The following SARDH variants were observed in gnomAD, a reference collection of about 807,000 sequenced individuals.
SARDH encodes sarcosine dehydrogenase.
In SARDH, 95 loss-of-function variants were observed where a neutral mutation model predicts 109.1. The ratio of observed to expected loss-of-function variants is 0.87; its 90% CI spans 0.74 to 1.03. The LOEUF (loss-of-function observed/expected upper bound fraction) is 1.03. SARDH is among the 50% of genes least tolerant of loss of function. The pLI, the probability that SARDH is intolerant of heterozygous loss-of-function variation, is 0.00. For missense variants in SARDH, 1,267 were observed against 1,287.8 expected, an observed-to-expected ratio of 0.98 and a Z score of 0.25; for synonymous variants, 572 against 534.8, an observed-to-expected ratio of 1.07 and a Z score of -0.96.
intron 17 of SARDH, among the ~76,000 whole-genome samples, chr9:133,672,096 C>T (rs1311599823): frequency 6.6e-6 from 1 of 152,212 alleles, no homozygotes; most frequent in East Asian, 1.9e-4. Flanking sequence ...GCTTCCTCTG[C>T]AGGCTCCGGA....
chr9:133,705,902 G>A (rs906201693), intron 11 of SARDH, among the ~76,000 whole-genome samples: 15 of 152,118 alleles, frequency 9.9e-5, no homozygotes, highest in Admixed American at 2.0e-4. Flanking sequence ...CCCTCTCCCC[G>A]CTGCATGAGG....
At chr9:133,732,744 G>C in intron 2 of SARDH, 143 bp from the exon 3 acceptor site, 2 of 928,930 alleles carry the variant, frequency 2.2e-6, no homozygotes, top group Non-Finnish European at 3.1e-6. Context: ...GGGGGGCCTG[G>C]AGAGGTTGTT....
In SARDH at chr9:133,702,930, G is replaced by T. The variant is rs753857443; in HGVS notation, c.1654C>A (p.Pro552Thr). Residue 552 changes from proline to threonine, a missense_variant, in exon 13 of 21, where the codon CCC (proline) becomes ACC (threonine). Coordinates refer to ENST00000439388, the MANE Select transcript of SARDH (RefSeq NM_001134707.2). ...LADEYTFAFP[P>T]HHDTIKKECL... ...CAGCTACGCACCGTGTCGTGGTGGGGCGGGAAGGCGAAGGTGTACTCGTCT... is the reference window on the plus strand; with the variant it reads ...CAGCTACGCACCGTGTCGTGGTGGGTCGGGAAGGCGAAGGTGTACTCGTCT... 6.2e-7 allele frequency: 1 copy of T among 1,612,236 alleles called. No individual in the cohort carries two copies. Among genetic ancestry groups the T allele is most frequent in the Admixed American group, 1.7e-5 (1 of 60,024 alleles).
rs368001955 is a variant in SARDH at position 133,708,433 on chromosome 9, C to T, written c.1329-5G>A. 8.1e-6 allele frequency: 13 copies of T among 1,607,330 alleles called. No homozygotes were observed. The highest frequency in any genetic ancestry group is 6.6e-5 in the South Asian group (6 of 90,424). ...GTGAGCGAGTGATGGAAGCGCCTGC[C>T]GCAGACAGGGGGACGGGTCACTGCT... On this transcript the variant is annotated splice_region_variant and splice_polypyrimidine_tract_variant and intron_variant, in intron 10 of 20. Coordinates refer to ENST00000439388, the MANE Select transcript of SARDH (RefSeq NM_001134707.2).
intron 8 of SARDH, among the ~76,000 whole-genome samples, chr9:133,716,563 T>G (rs1832129622): frequency 6.6e-6 from 1 of 151,384 alleles, no homozygotes; most frequent in Non-Finnish European, 1.5e-5. Context: ...GCCAGCAGCC[T>G]CAGCCCCACA....
In SARDH at chr9:133,706,180, G is replaced by A. The variant is rs149566282; in HGVS notation, c.1471-1149C>T. ...CACGCATGTTCACTGAGCTCTATGCGCAACCACTAACCAGGGGAGAGAACC... is the reference window on the plus strand; with the variant it reads ...CACGCATGTTCACTGAGCTCTATGCACAACCACTAACCAGGGGAGAGAACC... On this transcript the variant is annotated intron_variant, in intron 11 of 20. Coordinates refer to ENST00000439388, the MANE Select transcript of SARDH (RefSeq NM_001134707.2). Among the ~76,000 whole-genome samples, 335 of 152,260 alleles carry A rather than the reference G, an allele frequency of 2.2e-3. 2 individuals carry two copies. Among genetic ancestry groups the A allele is most frequent in the Middle Eastern group, 0.01 (3 of 294 alleles).
rs759215760 is a variant in SARDH at position 133,692,559 on chromosome 9, G to T, written c.1921+1699C>A. ...TCCTCCAGGAAGCCTTGCTCATCCC[G>T]GCTCGGCGGCTTCACATGGCCTTCC... On this transcript the variant is annotated intron_variant, in intron 15 of 20. Transcript: ENST00000439388. The surrounding 1 kb of genome is among the most constrained non-coding windows in gnomAD (Gnocchi z 5.0). Among the ~76,000 whole-genome samples, 1 of 152,100 alleles carries T rather than the reference G, an allele frequency of 6.6e-6. No homozygotes were observed. The highest frequency in any genetic ancestry group is 1.5e-5 in the Non-Finnish European group (1 of 68,016).
chr9:133,735,046 A>G (rs1832835789), intron 1 of SARDH, among the ~76,000 whole-genome samples: 1 of 152,128 alleles, frequency 6.6e-6, no homozygotes, highest in Admixed American at 6.5e-5. Flanking sequence ...TCCCAGACAG[A>G]GAGCCAGGAG....
In SARDH at chr9:133,732,405, C is replaced by T. The variant is rs1199614762; in HGVS notation, c.510+18G>A. ...CCACCCAAGCCCCCCTCCTTGCCCCCCGCAGGGGAGCACACACCGACATGA... is the reference window on the plus strand; with the variant it reads ...CCACCCAAGCCCCCCTCCTTGCCCCTCGCAGGGGAGCACACACCGACATGA... On this transcript the variant is annotated intron_variant, in intron 3 of 20. Coordinates refer to ENST00000439388, the MANE Select transcript of SARDH (RefSeq NM_001134707.2). The T allele has an allele frequency of 6.2e-7, 1 of 1,607,032 alleles. No homozygotes were observed. Among genetic ancestry groups the T allele is most frequent in the East Asian group, 2.3e-5 (1 of 44,392 alleles).
chr9:133,692,332 G>A lies in SARDH; in HGVS notation c.1922-1805C>T, dbSNP rs559415126. On this transcript the variant is annotated intron_variant, in intron 15 of 20. Coordinates refer to ENST00000439388, the MANE Select transcript of SARDH (RefSeq NM_001134707.2). This position sits in a 1 kb window ranked among gnomAD's most constrained non-coding sequence, Gnocchi z 5.0. Reference sequence around the variant, plus strand: ...CCCTAGCTAGACTCACTAAGTCTGCGGCTATGGGCTGTGCCTGGGCCGCCC... The same window carrying A: ...CCCTAGCTAGACTCACTAAGTCTGCAGCTATGGGCTGTGCCTGGGCCGCCC... Among the ~76,000 whole-genome samples the A allele has an allele frequency of 2.7e-3, 417 of 152,184 alleles. 4 individuals are homozygous for A. The highest frequency in any genetic ancestry group is 7.8e-4 in the Non-Finnish European group (53 of 67,980).
intron 2 of SARDH, among the ~76,000 whole-genome samples, chr9:133,732,802 T>C (rs1832735664): frequency 6.6e-6 from 1 of 152,144 alleles, no homozygotes; most frequent in South Asian, 2.1e-4. Flanking sequence ...GGTCCCGCCC[T>C]TGGGCAGCTC....
chr9:133,694,310 G>A lies in SARDH; in HGVS notation c.1869C>T (p.Val623=), dbSNP rs980297120. Reference sequence around the variant, plus strand: ...CCTGGTGGCTGGGTGCCAGGCGGCTGACAGTCAGGTCACTCTCGGTGCCCC... The same window carrying A: ...CCTGGTGGCTGGGTGCCAGGCGGCTAACAGTCAGGTCACTCTCGGTGCCCC... ...HRGGTESDLT[V]SRLAPSHQAS... The change falls in exon 15 of 21, where the codon GTC becomes GTT. Residue 623 remains valine (V), a synonymous_variant. Transcript: ENST00000439388. 3 of 1,550,710 alleles carry A rather than the reference G, an allele frequency of 1.9e-6. No individual in the cohort carries two copies. Among genetic ancestry groups the A allele is most frequent in the East Asian group, 2.4e-5 (1 of 40,920 alleles).
chr9:133,699,610 C>A (rs1831409030), intron 13 of SARDH, among the ~76,000 whole-genome samples: 1 of 152,176 alleles, frequency 6.6e-6, no homozygotes, highest in Non-Finnish European at 1.5e-5. Flanking sequence ...GGACAACAGG[C>A]CCATGAAAAT....
At chr9:133,671,443 G>A (rs1319311520) in intron 18 of SARDH, 92 bp downstream of exon 18, 4 of 1,419,444 alleles carry the variant, frequency 2.8e-6, no homozygotes, top group Non-Finnish European at 2.8e-6. Flanking sequence ...ACACAGGGAA[G>A]GTAAACAGCT....
intron 12 of SARDH, chr9:133,703,285 G>A (rs1425115904): frequency 7.6e-6 from 4 of 524,890 alleles, no homozygotes; most frequent in African/African-American, 7.6e-5. Flanking sequence ...GCTGGAGGAG[G>A]AGCTGGATGC....
Position 133,732,500 on chromosome 9 carries a change from T to C in SARDH, c.433A>G (p.Thr145Ala), listed in dbSNP as rs183443181. The change falls in exon 3 of 21, where the codon ACG becomes GCG. Residue 145 changes from threonine (T) to alanine (A), a missense_variant. Coordinates refer to ENST00000439388, the MANE Select transcript of SARDH (RefSeq NM_001134707.2). ...AGGCCCCCATTCTGGATCCAGCCCG[T>C]GTGTAGTCCCGTCTCCTCCTCCAGC... ...RELEEETGLHTGWIQNGGLFI... is the reference protein window; with the variant it reads ...RELEEETGLHAGWIQNGGLFI... 1.2e-6 allele frequency: 2 copies of C among 1,612,316 alleles called. No homozygotes were observed. Among genetic ancestry groups the C allele is most frequent in the African/African-American group, 1.3e-5 (1 of 74,666 alleles).
At chr9:133,700,423 C>T (rs113053047) in intron 13 of SARDH, among the ~76,000 whole-genome samples, 1 of 151,872 alleles carries the variant, frequency 6.6e-6, no homozygotes, top group Non-Finnish European at 1.5e-5. Context: ...TTGAGAATAT[C>T]ACGCTAAGTG....
chr9:133,667,133 G>C (rs924589078), intron 19 of SARDH: 2 of 579,386 alleles, frequency 3.5e-6, no homozygotes, highest in African/African-American at 3.7e-5. Flanking sequence ...TTCCAGAAGC[G>C]AGCCCCGTAT....
In SARDH at chr9:133,712,905, G is replaced by T; in HGVS notation, c.1237+133C>A. 1 of 1,026,122 alleles carries T rather than the reference G, an allele frequency of 9.7e-7. No individual in the cohort carries two copies. Among genetic ancestry groups the T allele is most frequent in the Admixed American group, 2.1e-5 (1 of 48,562 alleles). 63.6% of individuals were successfully genotyped at this position (1,026,122 alleles called of 1,614,324 possible). A position where few individuals can be genotyped will look rare whatever the true frequency, so the allele number is the denominator to read the frequency against. ...GGTGCACTCTCTGGGAAGCAGAAGG[G>T]GCTGGACTCCCCAGCCTCTCCTGTC... is the stretch of plus-strand genomic sequence containing the variant. On this transcript the variant is annotated intron_variant, in intron 9 of 20. Transcript: ENST00000439388. The surrounding 1 kb of genome is among the most constrained non-coding windows in gnomAD (Gnocchi z 4.1).
Sources: gnomAD v4.1 joint callset for allele counts (sites outside exome capture counted in the v4.1 genomes callset) on GRCh38, gnomAD v4.1.1 for gene constraint, Gnocchi (gnomAD v3.1) non-coding constraint, MANE v1.5 for transcripts, NCBI Gene and HGNC (gene_info 2026-07-23, HGNC 2026-07-21) for gene names.